FSTL4: variants seen among roughly 807,000 people sequenced by gnomAD.
FSTL4 encodes follistatin like 4.
In FSTL4, 28 loss-of-function variants were observed where a neutral mutation model predicts 78.2. That is an observed-to-expected ratio of 0.36 (90% CI 0.27 to 0.49). FSTL4 has a LOEUF of 0.49. Among genes scored for constraint, FSTL4 ranks in the 20% least tolerant of loss-of-function variants. FSTL4 has a pLI of 0.98. For synonymous variants in FSTL4, 422 were observed against 440.5 expected (o/e 0.96, Z 0.53); for missense variants, 922 against 1,084.9 (o/e 0.85, Z 2.11).
chr5:133,228,566 C>T (rs1049768726), intron 8 of FSTL4, among the ~76,000 whole-genome samples: 6 of 152,136 alleles, frequency 3.9e-5, no homozygotes, highest in African/African-American at 7.2e-5. Flanking sequence ...AAAGAACATA[C>T]TGTGGGCAAG....
chr5:133,225,083 TG>T lies in FSTL4; in HGVS notation c.1312+66del. On this transcript the variant is annotated intron_variant, in intron 10 of 15. Coordinates refer to ENST00000265342, the MANE Select transcript of FSTL4 (RefSeq NM_015082.2). This position sits in a 1 kb window ranked among gnomAD's most constrained non-coding sequence, Gnocchi z 4.6. ...GGCAGCTGTGGCCCTGGTCAATTGG[TG>T]CCCTCCCTTGCCACCCAACACCTCC... The T allele has an allele frequency of 6.3e-7, 1 of 1,587,734 alleles. No homozygotes were observed.
At chr5:133,689,513 ATTAT>A in the FSTL4 span, among the ~76,000 whole-genome samples, 1 of 152,164 alleles carries the variant, frequency 6.6e-6, no homozygotes, top group Admixed American at 6.5e-5. Context: ...TGTGAGAAAG[ATTAT>A]TTATTTGGTC....
Position 133,272,232 on chromosome 5 carries a change from A to C in FSTL4, c.728-22656T>G, listed in dbSNP as rs1752782486. Among the ~76,000 whole-genome samples, 4 of 152,248 alleles carry C rather than the reference A, an allele frequency of 2.6e-5. No individual in the cohort carries two copies. The South Asian group carries it at 8.3e-4, about 32-fold the overall frequency. ...TTTCAGTTAAAAACAGGGACTGAAA[A>C]TTAATGACACGGCCATTTCTTGAAG... On this transcript the variant is annotated intron_variant, in intron 6 of 15. Transcript: ENST00000265342.
the FSTL4 span, among the ~76,000 whole-genome samples, chr5:133,803,886 G>A: frequency 6.6e-6 from 1 of 152,264 alleles, no homozygotes; most frequent in South Asian, 2.1e-4. Context: ...GCTCATGTGA[G>A]ATTTGGAGGG....
chr5:133,543,140 T>G (rs1304854306), intron 3 of FSTL4, among the ~76,000 whole-genome samples: 1 of 152,170 alleles, frequency 6.6e-6, no homozygotes, highest in Non-Finnish European at 1.5e-5. Flanking sequence ...AGCTTCAAAC[T>G]CCTTGGCTCA....
At chr5:133,765,981 C>T in the FSTL4 span, among the ~76,000 whole-genome samples, 7 of 152,240 alleles carry the variant, frequency 4.6e-5, no homozygotes, top group East Asian at 1.9e-4. Context: ...AGATGATGGG[C>T]GCTCCCTTCA....
rs1754525313 is a variant in FSTL4 at position 133,338,826 on chromosome 5, A to G, written c.410-22174T>C. On this transcript the variant is annotated intron_variant, in intron 4 of 15. Coordinates refer to ENST00000265342, the MANE Select transcript of FSTL4 (RefSeq NM_015082.2). The surrounding 1 kb of genome is among the most constrained non-coding windows in gnomAD (Gnocchi z 4.0). ...CTCACCATCTTGCCCATCCCCAGCC[A>G]ATCAGTCCTGGCTCAGGTCATTTCT... 2.0e-5 allele frequency among the ~76,000 whole-genome samples: 3 copies of G among 152,000 alleles called. No homozygotes were observed.
chr5:133,466,700 G>C (rs910049346), intron 3 of FSTL4, among the ~76,000 whole-genome samples: 11 of 152,234 alleles, frequency 7.2e-5, no homozygotes, highest in African/African-American at 2.2e-4. Context: ...AAAGTGAACA[G>C]GGCAAGGCCC....
At chr5:133,730,469 G>C in the FSTL4 span, among the ~76,000 whole-genome samples, 1 of 152,112 alleles carries the variant, frequency 6.6e-6, no homozygotes, top group South Asian at 2.1e-4. Context: ...GAGGCCTCGG[G>C]TCCCACAGCT....
At chr5:133,822,235 C>G in the FSTL4 span, among the ~76,000 whole-genome samples, 1 of 152,220 alleles carries the variant, frequency 6.6e-6, no homozygotes, top group Non-Finnish European at 1.5e-5. Context: ...TAGATTTCCT[C>G]TTCCATTTGT....
At chr5:133,433,924 T>A (rs1360532575) in intron 3 of FSTL4, among the ~76,000 whole-genome samples, 2 of 151,522 alleles carry the variant, frequency 1.3e-5, no homozygotes, top group East Asian at 3.9e-4. Context: ...GAGGCAGCAG[T>A]GGGATTCCAG....
At chr5:133,244,654 C>T (rs1004959065) in intron 7 of FSTL4, 1 of 152,388 alleles carries the variant, frequency 6.6e-6, no homozygotes, top group African/African-American at 2.4e-5. Context: ...GTGCACCTGT[C>T]TTTGGGGGCC....
chr5:133,448,477 G>A (rs1156527033), intron 3 of FSTL4, among the ~76,000 whole-genome samples: 1 of 152,198 alleles, frequency 6.6e-6, no homozygotes, highest in East Asian at 1.9e-4. Flanking sequence ...CGTTCCCTCA[G>A]AGCACATGAT....
chr5:133,708,199 G>A, the FSTL4 span, among the ~76,000 whole-genome samples: 1,162 of 150,256 alleles, frequency 7.7e-3, 11 homozygotes, highest in Middle Eastern at 0.01. Flanking sequence ...GGAGGGAAGG[G>A]GAGGGAAGAA....
In FSTL4 at chr5:133,443,863, G is replaced by A. The variant is rs1430936691; in HGVS notation, c.161-42877C>T. On this transcript the variant is annotated intron_variant, in intron 3 of 15. Coordinates refer to ENST00000265342, the MANE Select transcript of FSTL4 (RefSeq NM_015082.2). ...CTGTCTGGCCTGGGCTTTCACCTAC[G>A]CAATTCTCAGTTCAGAATACTCCCC... Among the ~76,000 whole-genome samples, 5 of 152,168 alleles carry A rather than the reference G, an allele frequency of 3.3e-5. 1 individual carries two copies. Among genetic ancestry groups the A allele is most frequent in the Admixed American group, 2.6e-4 (4 of 15,280 alleles).
the FSTL4 span, among the ~76,000 whole-genome samples, chr5:133,828,994 C>T: frequency 1.3e-5 from 2 of 152,196 alleles, no homozygotes; most frequent in South Asian, 4.1e-4. Context: ...CATGGAAACA[C>T]ACGGCAGAGC....
At chr5:133,576,802 T>C (rs1244744422) in intron 2 of FSTL4, among the ~76,000 whole-genome samples, 1 of 152,242 alleles carries the variant, frequency 6.6e-6, no homozygotes, top group Non-Finnish European at 1.5e-5. Flanking sequence ...GCTACTGAAA[T>C]TCTGACATCT....
chr5:133,422,383 G>A (rs929449989), intron 3 of FSTL4, among the ~76,000 whole-genome samples: 5 of 152,138 alleles, frequency 3.3e-5, no homozygotes, highest in East Asian at 1.9e-4. Context: ...CAAGAGAGCC[G>A]GGCCTGGACT....
At chr5:133,771,411 C>A in the FSTL4 span, among the ~76,000 whole-genome samples, 2 of 151,938 alleles carry the variant, frequency 1.3e-5, no homozygotes, top group Non-Finnish European at 2.9e-5. Flanking sequence ...TTTTGTAGTC[C>A]TCCTTATAGA....
Sources: allele counts gnomAD v4.1 joint callset (sites outside exome capture counted in the v4.1 genomes callset), GRCh38; gene constraint gnomAD v4.1.1; non-coding constraint Gnocchi (gnomAD v3.1); transcripts MANE v1.5; gene names NCBI Gene and HGNC (gene_info 2026-07-23, HGNC 2026-07-21).